Variants in HACE1 observed in about 807,000 individuals in gnomAD.
HACE1 encodes the protein HECT domain and ankyrin repeat containing E3 ubiquitin protein ligase 1.
Under a neutral mutation model 118.4 loss-of-function variants are expected in HACE1, and 73 were observed. The ratio of observed to expected loss-of-function variants is 0.62; its 90% CI spans 0.51 to 0.75. The LOEUF (loss-of-function observed/expected upper bound fraction) is 0.75. Ranked by LOEUF, HACE1 falls within the 30% of genes least tolerant of loss-of-function variation. The pLI is 0.00. For missense variants in HACE1, 749 were observed against 1,102.2 expected (o/e 0.68, Z 4.54); for synonymous variants, 368 against 374.8 (o/e 0.98, Z 0.21).
intron 5 of HACE1, among the ~76,000 whole-genome samples, chr6:104,842,111 C>T (rs1336953663): frequency 6.6e-6 from 1 of 152,114 alleles, no homozygotes; most frequent in Non-Finnish European, 1.5e-5. Flanking sequence ...TCAAGACTAG[C>T]CTGGGCATCA....
At chr6:104,803,403 C>G (rs1770617230) in intron 7 of HACE1, among the ~76,000 whole-genome samples, 1 of 152,034 alleles carries the variant, frequency 6.6e-6, no homozygotes, top group South Asian at 2.1e-4. Flanking sequence ...CTGGCAGAGA[C>G]ACAACAAAAA....
intron 22 of HACE1, among the ~76,000 whole-genome samples, chr6:104,733,967 A>G (rs1775501770): frequency 6.6e-6 from 1 of 151,990 alleles, no homozygotes; most frequent in Admixed American, 6.6e-5. Flanking sequence ...AGCCTGGCCA[A>G]CATGGTGAAA....
intron 7 of HACE1, among the ~76,000 whole-genome samples, chr6:104,808,207 T>TGC (rs1005066532): frequency 6.9e-6 from 1 of 145,972 alleles, no homozygotes; most frequent in African/African-American, 2.5e-5. Flanking sequence ...AAAAAAAAAG[T>TGC]GCTTAGAATT....
At chr6:104,791,422 C>A in intron 11 of HACE1, 82 bp downstream of exon 11, 1 of 1,265,350 alleles carries the variant, frequency 7.9e-7, no homozygotes, top group East Asian at 2.3e-5. Context: ...TGTTCATGAG[C>A]TTTCTGATTA....
At chr6:104,733,475 AAC>A (rs778104349) in intron 22 of HACE1, among the ~76,000 whole-genome samples, 3 of 152,214 alleles carry the variant, frequency 2.0e-5, no homozygotes, top group Non-Finnish European at 4.4e-5. Flanking sequence ...AAATAAATAA[AAC>A]AGTCTTTGGT....
At chr6:104,768,350 T>G (rs1780228263) in intron 19 of HACE1, among the ~76,000 whole-genome samples, 1 of 151,988 alleles carries the variant, frequency 6.6e-6, no homozygotes, top group Non-Finnish European at 1.5e-5. Context: ...AACAGAAAAG[T>G]TCATAACAGA....
Position 104,815,060 on chromosome 6 carries a change from TTTGGAACTGGGTAAGGGGCAGAGG to T in HACE1, c.535-3691_535-3668del, listed in dbSNP as rs1442084369. On this transcript the variant is annotated intron_variant, in intron 6 of 23. Transcript: ENST00000262903. ...AGACACTTGAAAATGTGGAAGCGAC[TTTGGAACTGGGTAAGGGGCAGAGG>T]TTGGAACAGTTTGGAGGGCTCTGAA... Among the ~76,000 whole-genome samples the T allele has an allele frequency of 2.9e-5, 4 of 138,340 alleles. 1 individual carries two copies. Among genetic ancestry groups the T allele is most frequent in the Non-Finnish European group, 6.2e-5 (4 of 64,332 alleles). 90.8% of individuals were successfully genotyped at this position (138,340 alleles called of 152,430 possible).
chr6:104,846,721 G>A (rs1178250747), intron 4 of HACE1, among the ~76,000 whole-genome samples: 1 of 152,182 alleles, frequency 6.6e-6, no homozygotes, highest in Non-Finnish European at 1.5e-5. Flanking sequence ...TTCTACTTCA[G>A]TGTGGATAAA....
chr6:104,783,903 T>C (rs895255804), intron 14 of HACE1, among the ~76,000 whole-genome samples, 183 bp downstream of exon 14: 1 of 152,252 alleles, frequency 6.6e-6, no homozygotes, highest in Non-Finnish European at 1.5e-5. Flanking sequence ...TACAGACCTC[T>C]GTACATAGTA....
At position 104,784,954 on chromosome 6, in the gene HACE1, A is replaced by C. The variant is rs779223062; in HGVS notation, c.1409+31T>G. On this transcript the variant is annotated intron_variant, in intron 12 of 23. Coordinates refer to ENST00000262903, the MANE Select transcript of HACE1 (RefSeq NM_020771.4). Reference sequence around the variant, plus strand: ...ACTGCTTTTCATCATCTATCAGAGAAAAAAAAAATAATAAGCCAAAACTTT... The same window carrying C: ...ACTGCTTTTCATCATCTATCAGAGACAAAAAAAATAATAAGCCAAAACTTT... 40 of 1,378,412 alleles carry C rather than the reference A, an allele frequency of 2.9e-5. No individual in the cohort carries two copies. In the African/African-American group the frequency reaches 5.1e-4, roughly 17 times the overall value. 85.4% of individuals were successfully genotyped at this position (1,378,412 alleles called of 1,614,324 possible).
intron 6 of HACE1, among the ~76,000 whole-genome samples, chr6:104,829,043 T>A (rs1773603878): frequency 6.6e-6 from 1 of 151,986 alleles, no homozygotes; most frequent in Non-Finnish European, 1.5e-5. Flanking sequence ...TGGAATTTTT[T>A]CCCCATTTAA....
chr6:104,822,071 A>T (rs562494554), intron 6 of HACE1, among the ~76,000 whole-genome samples: 98 of 151,160 alleles, frequency 6.5e-4, no homozygotes, highest in African/African-American at 2.0e-3. Flanking sequence ...TTTTTTTTTT[A>T]AATTATCCAG....
chr6:104,845,927 CGT>C (rs2115186736), intron 4 of HACE1: 2 of 152,276 alleles, frequency 1.3e-5, no homozygotes, highest in South Asian at 4.1e-4. Context: ...AATGTGTGAT[CGT>C]GTGTCTATAC....
At chr6:104,826,588 T>C (rs771401297) in intron 6 of HACE1, among the ~76,000 whole-genome samples, 4 of 152,246 alleles carry the variant, frequency 2.6e-5, no homozygotes, top group Non-Finnish European at 4.4e-5. Context: ...TAAAATTATA[T>C]GGCTTCTCAT....
chr6:104,757,179 A>G (rs1778812386), intron 19 of HACE1, among the ~76,000 whole-genome samples: 3 of 152,194 alleles, frequency 2.0e-5, no homozygotes, highest in Non-Finnish European at 4.4e-5. Flanking sequence ...CCAGACTTAA[A>G]CATCCCTGCC....
chr6:104,768,760 T>C (rs1407516144), intron 19 of HACE1, among the ~76,000 whole-genome samples: 2 of 152,110 alleles, frequency 1.3e-5, no homozygotes, highest in African/African-American at 4.8e-5. Context: ...TAAATATATA[T>C]AGTATTAAAC....
intron 12 of HACE1, 56 bp downstream of exon 12, chr6:104,784,929 A>ATT (rs1202758215): frequency 2.9e-6 from 3 of 1,052,300 alleles, no homozygotes; most frequent in Non-Finnish European, 4.4e-6. Flanking sequence ...CAAAAGTATC[A>ATT]CTGCTTTTCA....
chr6:104,743,741 G>C (rs951479011), intron 22 of HACE1, among the ~76,000 whole-genome samples: 1 of 151,990 alleles, frequency 6.6e-6, no homozygotes. Flanking sequence ...TTGAATTACA[G>C]AAAAACTGTT....
In HACE1 at chr6:104,785,104, A is replaced by G. The variant is rs1782205866; in HGVS notation, c.1290T>C (p.Ala430=). 2 of 1,613,696 alleles carry G rather than the reference A, an allele frequency of 1.2e-6. No individual in the cohort carries two copies. Among genetic ancestry groups the G allele is most frequent in the South Asian group, 1.1e-5 (1 of 91,076 alleles). The change falls in exon 12 of 24, where the codon GCT becomes GCC. Residue 430 remains alanine, a synonymous_variant. Transcript: ENST00000262903. ...CACTGGCTTCCTGTCTCCCTGCAAG[A>G]GCATCTGGTTTAGATTCCCTTGTGC... ...STGTRESKPD[A]LAGRQEASAD... is the part of the protein sequence containing the mutation.
Sources: gnomAD v4.1 joint callset for allele counts (sites outside exome capture counted in the v4.1 genomes callset) on GRCh38, gnomAD v4.1.1 for gene constraint, MANE v1.5 for transcripts, NCBI Gene and HGNC (gene_info 2026-07-23, HGNC 2026-07-21) for gene names.